CSMD1: variants seen among roughly 807,000 people sequenced by gnomAD.
The protein encoded by CSMD1 is CUB and Sushi multiple domains 1.
CSMD1 carries 213 observed loss-of-function variants against 417.5 expected under a neutral mutation model. The ratio of observed to expected loss-of-function variants is 0.51; its 90% CI spans 0.46 to 0.57. The LOEUF (loss-of-function observed/expected upper bound fraction) is 0.57, where lower values mean the gene tolerates loss of function less well. Ranked by LOEUF, CSMD1 falls within the 20% of genes least tolerant of loss-of-function variation. The probability of loss-of-function intolerance (pLI) is 0.00; values close to 1 mark genes in which losing one functional copy is unlikely to be tolerated. For missense variants in CSMD1, 6,923 were observed against 4,529.7 expected, an observed-to-expected ratio of 1.53 and a Z score of -15.17; for synonymous variants, 2,862 against 1,736.8, an observed-to-expected ratio of 1.65 and a Z score of -16.11.
At chr8:3,303,891 G>C (rs913181469) in intron 25 of CSMD1, among the ~76,000 whole-genome samples, 1 of 152,042 alleles carries the variant, frequency 6.6e-6, no homozygotes, top group Non-Finnish European at 1.5e-5. Flanking sequence ...GTTAAAATTA[G>C]AAATTCTTCC....
rs112172981 is a variant in CSMD1, at chr8:4,364,688, A to G, written c.415+55265T>C. 4.0e-4 allele frequency among the ~76,000 whole-genome samples: 24 copies of G among 59,538 alleles called. 8 individuals are homozygous for G. The highest frequency in any genetic ancestry group is 5.2e-4 in the South Asian group (1 of 1,916). 39.1% of individuals were successfully genotyped at this position (59,538 alleles called of 152,430 possible). A position where few individuals can be genotyped will look rare whatever the true frequency, so the allele number is the denominator to read the frequency against. On this transcript the variant is annotated intron_variant, in intron 3 of 69. Coordinates refer to ENST00000635120, the MANE Select transcript of CSMD1 (RefSeq NM_033225.6). ...AAATACAAAAAAATTAGCCGGGCGTAGTGGCGGGCGCCTGTAGTCCCAGCT... is the reference window on the plus strand; with the variant it reads ...AAATACAAAAAAATTAGCCGGGCGTGGTGGCGGGCGCCTGTAGTCCCAGCT...
chr8:2,942,895 T>C (rs896822403), intron 68 of CSMD1, among the ~76,000 whole-genome samples: 6 of 152,362 alleles, frequency 3.9e-5, no homozygotes, highest in Non-Finnish European at 7.3e-5. Flanking sequence ...TTTATAGTTA[T>C]AGGTGTTTTC....
chr8:4,945,924 AT>A lies in CSMD1; in HGVS notation c.85+48407del, dbSNP rs542488936. Among the ~76,000 whole-genome samples, 733 of 152,322 alleles carry A rather than the reference AT, an allele frequency of 4.8e-3. 6 individuals are homozygous for A. The highest frequency in any genetic ancestry group is 0.016 in the African/African-American group (678 of 41,566). ...ATTCACTCGAAGAAAACAGAATGTT[AT>A]CAAACTCCGCTGGGAGCTATGTGCA... On this transcript the variant is annotated intron_variant, in intron 1 of 69. Coordinates refer to ENST00000635120, the MANE Select transcript of CSMD1 (RefSeq NM_033225.6).
chr8:4,674,256 GC>G (rs1805533385), intron 1 of CSMD1, among the ~76,000 whole-genome samples: 1 of 152,156 alleles, frequency 6.6e-6, no homozygotes, highest in Non-Finnish European at 1.5e-5. Flanking sequence ...GTTGAAAAAA[GC>G]GGGAGGTTAT....
chr8:4,456,511 A>T (rs551657053), intron 2 of CSMD1, among the ~76,000 whole-genome samples: 1 of 152,312 alleles, frequency 6.6e-6, no homozygotes, highest in South Asian at 2.1e-4. Flanking sequence ...GTTCTAAGTA[A>T]ATGTTTATAG....
At chr8:3,950,579 T>A (rs1050649715) in intron 5 of CSMD1, among the ~76,000 whole-genome samples, 1 of 152,186 alleles carries the variant, frequency 6.6e-6, no homozygotes, top group South Asian at 2.1e-4. Context: ...CATAGCAATA[T>A]TGCGTGAAAT....
At chr8:4,291,436 G>T (rs1359685782) in intron 3 of CSMD1, among the ~76,000 whole-genome samples, 1 of 152,046 alleles carries the variant, frequency 6.6e-6, no homozygotes. Context: ...AAGCATGGTA[G>T]AATTTGAATT....
At chr8:3,969,512 T>A (rs1411796978) in intron 5 of CSMD1, among the ~76,000 whole-genome samples, 4 of 152,232 alleles carry the variant, frequency 2.6e-5, no homozygotes, top group African/African-American at 9.6e-5. Flanking sequence ...TTGTACAAGT[T>A]ATTTAACTTG....
chr8:4,033,060 C>T (rs985253282), intron 3 of CSMD1, among the ~76,000 whole-genome samples: 3 of 150,708 alleles, frequency 2.0e-5, no homozygotes, highest in Admixed American at 6.6e-5. Context: ...TTCTTCTAAC[C>T]CAGACATTCC....
chr8:3,561,224 G>C (rs967152777), intron 10 of CSMD1, among the ~76,000 whole-genome samples: 25 of 152,132 alleles, frequency 1.6e-4, no homozygotes, highest in African/African-American at 6.0e-4. Context: ...AAACAGTATG[G>C]AAGTTTCTCA....
chr8:2,965,274 TC>T (rs1425474132), intron 59 of CSMD1, among the ~76,000 whole-genome samples: 2 of 152,142 alleles, frequency 1.3e-5, no homozygotes, highest in Non-Finnish European at 2.9e-5. Context: ...ATAAACCTCT[TC>T]CTGCCTTCTC....
At chr8:3,843,418 T>G (rs78622671) in intron 5 of CSMD1, among the ~76,000 whole-genome samples, 2,392 of 152,242 alleles carry the variant, frequency 0.016, 59 homozygotes, top group African/African-American at 0.053. Context: ...AAAGTCAAAG[T>G]TGGTTTCAGA....
intron 52 of CSMD1, among the ~76,000 whole-genome samples, chr8:3,000,917 C>CT (rs1242464973): frequency 6.6e-6 from 1 of 152,084 alleles, no homozygotes; most frequent in Non-Finnish European, 1.5e-5. Context: ...ATTGAAAGAG[C>CT]TTTAGTAACA....
chr8:3,049,008 A>G (rs1563279063), intron 50 of CSMD1, among the ~76,000 whole-genome samples: 1 of 152,094 alleles, frequency 6.6e-6, no homozygotes, highest in Non-Finnish European at 1.5e-5. Flanking sequence ...TCATCAGAGT[A>G]TTGCTAATTA....
chr8:4,544,345 TC>T (rs1211187246), intron 2 of CSMD1, among the ~76,000 whole-genome samples: 1 of 152,106 alleles, frequency 6.6e-6, no homozygotes, highest in Non-Finnish European at 1.5e-5. Context: ...TAGGTAGATG[TC>T]CAGTTGTTAT....
intron 3 of CSMD1, among the ~76,000 whole-genome samples, chr8:4,365,139 T>A (rs1262773373): frequency 5.9e-5 from 9 of 152,206 alleles, no homozygotes; most frequent in African/African-American, 2.2e-4. Flanking sequence ...TGAACTAATA[T>A]ACAGCATATC....
At chr8:3,734,281 C>T (rs1796414079) in intron 6 of CSMD1, among the ~76,000 whole-genome samples, 1 of 152,306 alleles carries the variant, frequency 6.6e-6, no homozygotes, top group African/African-American at 2.4e-5. Flanking sequence ...CAGTGTCTCC[C>T]TAGTGCTTCC....
intron 17 of CSMD1, among the ~76,000 whole-genome samples, chr8:3,388,047 A>G (rs1056233165): frequency 6.6e-6 from 1 of 152,212 alleles, no homozygotes; most frequent in African/African-American, 2.4e-5. Flanking sequence ...TGTGTCTTAT[A>G]TATGTATTAA....
At chr8:4,989,219 A>C (rs1227513548) in intron 1 of CSMD1, among the ~76,000 whole-genome samples, 1 of 152,186 alleles carries the variant, frequency 6.6e-6, no homozygotes, top group African/African-American at 2.4e-5. Flanking sequence ...GTAGAGCCGA[A>C]ACATCTATTT....
Sources: gnomAD v4.1 joint callset for allele counts (sites outside exome capture counted in the v4.1 genomes callset) on GRCh38, gnomAD v4.1.1 for gene constraint, MANE v1.5 for transcripts, NCBI Gene and HGNC (gene_info 2026-07-23, HGNC 2026-07-21) for gene names.